The following GPR89B variants were observed in gnomAD, a reference collection of about 807,000 sequenced individuals.
GPR89B encodes G protein-coupled receptor 89B.
GPR89B carries 25 observed loss-of-function variants against 52.4 expected under a neutral mutation model. The ratio of observed to expected loss-of-function variants is 0.48; its 90% CI spans 0.35 to 0.67. The LOEUF is 0.67. Ranked by LOEUF, GPR89B falls within the 30% of genes least tolerant of loss-of-function variation. The pLI is 0.01. For missense variants in GPR89B, 146 were observed against 450.2 expected, an observed-to-expected ratio of 0.32 and a Z score of 6.11; for synonymous variants, 52 against 151.2, an observed-to-expected ratio of 0.34 and a Z score of 4.81.
chr1:148,019,719 G>A, the GPR89B span, among the ~76,000 whole-genome samples: 1 of 152,022 alleles, frequency 6.6e-6, no homozygotes, highest in African/African-American at 2.4e-5. Context: ...AAAGTAAACA[G>A]CAAAAGAACG....
intron 7 of GPR89B, among the ~76,000 whole-genome samples, chr1:147,957,786 C>A (rs1335862652): frequency 7.2e-5 from 11 of 152,092 alleles, no homozygotes; most frequent in Admixed American, 5.9e-4. Flanking sequence ...ACATAAAGGC[C>A]AGGCGCAGTG....
intron 5 of GPR89B, among the ~76,000 whole-genome samples, chr1:147,949,937 C>G (rs1382322825): frequency 2.1e-5 from 3 of 139,890 alleles, no homozygotes; most frequent in Non-Finnish European, 4.6e-5. Flanking sequence ...GACCCCCCCA[C>G]CTCCCTCCCG....
intron 2 of GPR89B, among the ~76,000 whole-genome samples, chr1:147,937,873 G>A (rs587613403): frequency 2.0e-5 from 3 of 152,214 alleles, no homozygotes; most frequent in Middle Eastern, 3.4e-3. Flanking sequence ...CAAAGATGAC[G>A]GGATTAAGAG....
At chr1:147,995,691 C>T (rs1302522099), downstream of GPR89B, 5 of 1,608,710 alleles carry the variant, frequency 3.1e-6, no homozygotes, top group African/African-American at 5.4e-5. Flanking sequence ...AGGGAGGAAA[C>T]AATAGGGATT....
At chr1:148,010,395 G>C in the GPR89B span, 5 of 152,318 alleles carry the variant, frequency 3.3e-5, no homozygotes. Context: ...ATGCCTCCTG[G>C]AGTGGCCAAA....
chr1:147,933,755 C>T (rs1450349548), intron 1 of GPR89B, among the ~76,000 whole-genome samples: 8 of 151,942 alleles, frequency 5.3e-5, no homozygotes, highest in African/African-American at 1.9e-4. Flanking sequence ...TGTCTTAATT[C>T]AGGGCTTTAT....
chr1:147,981,085 C>T (rs1190611427), intron 10 of GPR89B, among the ~76,000 whole-genome samples: 8 of 151,420 alleles, frequency 5.3e-5, no homozygotes, highest in Non-Finnish European at 7.4e-5. Flanking sequence ...TTCATAGAGA[C>T]GAGTCTCACT....
Position 147,928,497 on chromosome 1 carries a change from G to A in GPR89B, c.-40G>A, listed in dbSNP as rs1474518875. 2 of 1,613,210 alleles carry A rather than the reference G, an allele frequency of 1.2e-6. No homozygotes were observed. Among genetic ancestry groups the A allele is most frequent in the Non-Finnish European group, 1.7e-6 (2 of 1,179,214 alleles). ...GGCCCCAGCGTGCTGTGGCCTCCGGGAGTGGGAAGTGGAGGCAGGAGCCTT... is the reference window on the plus strand; with the variant it reads ...GGCCCCAGCGTGCTGTGGCCTCCGGAAGTGGGAAGTGGAGGCAGGAGCCTT... On this transcript the variant is annotated 5_prime_UTR_variant, in exon 1 of 14. Coordinates refer to ENST00000314163, the MANE Select transcript of GPR89B (RefSeq NM_016334.5).
rs1658878580 is a variant in GPR89B at position 147,989,164 on chromosome 1, A to AT, written c.1095+644dup. On this transcript the variant is annotated intron_variant, in intron 12 of 13. Transcript: ENST00000314163. ...TCAGCAGATATTTGAGACTGGAAGAATAGTTGTGAGAGTCACTTACAGAGA... is the reference window on the plus strand; with the variant it reads ...TCAGCAGATATTTGAGACTGGAAGAATTAGTTGTGAGAGTCACTTACAGAGA... 2.0e-5 allele frequency among the ~76,000 whole-genome samples: 3 copies of AT among 147,272 alleles called. No individual in the cohort carries two copies. In the South Asian group the frequency reaches 6.7e-4, roughly 33 times the overall value.
At chr1:147,936,863 A>G (rs1476002663) in intron 2 of GPR89B, among the ~76,000 whole-genome samples, 177 bp downstream of exon 2, 2 of 152,126 alleles carry the variant, frequency 1.3e-5, no homozygotes, top group South Asian at 2.1e-4. Flanking sequence ...AAAGGGGGGA[A>G]AAAAGGCAAA....
chr1:148,005,659 A>G, the GPR89B span: 1 of 927,364 alleles, frequency 1.1e-6, no homozygotes, highest in Non-Finnish European at 1.6e-6. Context: ...AGAACATGTC[A>G]ACCTTAATGT....
rs1466237845 is a variant in GPR89B, at chr1:147,981,160, A to T, written c.910-5039A>T. Among the ~76,000 whole-genome samples, 88 of 148,550 alleles carry T rather than the reference A, an allele frequency of 5.9e-4. 1 individual carries two copies. The South Asian group carries it at 0.011, about 18-fold the overall frequency. On this transcript the variant is annotated intron_variant, in intron 10 of 13. Coordinates refer to ENST00000314163, the MANE Select transcript of GPR89B (RefSeq NM_016334.5). ...AATGTTTTTAAGGTACATCCATGTCATAGTATCTATCAATATTTCATTCCT... is the reference window on the plus strand; with the variant it reads ...AATGTTTTTAAGGTACATCCATGTCTTAGTATCTATCAATATTTCATTCCT...
At chr1:147,948,891 T>G (rs1203758554) in intron 5 of GPR89B, among the ~76,000 whole-genome samples, 5 of 151,870 alleles carry the variant, frequency 3.3e-5, no homozygotes, top group Admixed American at 2.0e-4. Flanking sequence ...GGTTTTCCTA[T>G]GCAGAGGACC....
chr1:148,012,472 T>C, the GPR89B span, among the ~76,000 whole-genome samples: 3 of 151,016 alleles, frequency 2.0e-5, no homozygotes, highest in Non-Finnish European at 4.4e-5. Flanking sequence ...CCCTATTCAG[T>C]TTATTTCCTC....
chr1:147,952,150 G>C (rs1370643571), intron 5 of GPR89B, among the ~76,000 whole-genome samples: 1 of 152,090 alleles, frequency 6.6e-6, no homozygotes, highest in Non-Finnish European at 1.5e-5. Context: ...GGCTGACCAA[G>C]GGCAAGATAA....
chr1:147,929,396 T>C (rs1653337997), intron 1 of GPR89B, among the ~76,000 whole-genome samples: 1 of 152,178 alleles, frequency 6.6e-6, no homozygotes, highest in East Asian at 1.9e-4. Context: ...TATGTCTGTG[T>C]TTCTGATTTT....
At chr1:147,993,740 TTTA>T (rs1659234249), downstream of GPR89B, 1 of 149,734 alleles carries the variant, frequency 6.7e-6, no homozygotes, top group Non-Finnish European at 1.5e-5. Flanking sequence ...AATTCTGAAT[TTTA>T]TTACTAAGGT....
the GPR89B span, among the ~76,000 whole-genome samples, chr1:148,017,639 G>A: frequency 6.7e-6 from 1 of 150,202 alleles, no homozygotes; most frequent in Admixed American, 6.6e-5. Context: ...TCAGGAGGCT[G>A]AGGCAGGAGA....
At chr1:148,002,812 A>C in the GPR89B span, among the ~76,000 whole-genome samples, 1 of 152,166 alleles carries the variant, frequency 6.6e-6, no homozygotes, top group Non-Finnish European at 1.5e-5. Context: ...GTGTCTCCTG[A>C]CTGTGTTCAC....
Sources: gnomAD v4.1 joint callset for allele counts (sites outside exome capture counted in the v4.1 genomes callset) on GRCh38, gnomAD v4.1.1 for gene constraint, MANE v1.5 for transcripts, NCBI Gene and HGNC (gene_info 2026-07-23, HGNC 2026-07-21) for gene names.